The following FOXP2 variants were observed in gnomAD, a reference collection of about 807,000 sequenced individuals.
The protein encoded by FOXP2 is forkhead box P2, also known as forkhead box protein P2.
FOXP2 carries 12 observed loss-of-function variants against 115.8 expected under a neutral mutation model. That is an observed-to-expected ratio of 0.10 (90% CI 0.07 to 0.17). FOXP2 has a LOEUF of 0.17. FOXP2 is among the 10% of genes least tolerant of loss of function. The pLI is 1.00. For missense variants in FOXP2, 629 were observed against 843.5 expected (o/e 0.75, Z 3.15); for synonymous variants, 328 against 297.7 (o/e 1.10, Z -1.05).
intron 2 of FOXP2, among the ~76,000 whole-genome samples, chr7:114,513,074 C>T (rs901995980): frequency 6.6e-6 from 1 of 152,134 alleles, no homozygotes; most frequent in Non-Finnish European, 1.5e-5. Flanking sequence ...CAGACCAAGA[C>T]TCCATCTCAA....
intron 2 of FOXP2, among the ~76,000 whole-genome samples, chr7:114,495,650 C>T (rs999742529): frequency 1.3e-5 from 2 of 151,808 alleles, no homozygotes; most frequent in Admixed American, 1.3e-4. Flanking sequence ...GGATTACAGG[C>T]ATGTGCCACC....
intron 13 of FOXP2, chr7:114,661,677 C>G (rs1806866070): frequency 4.0e-6 from 1 of 252,656 alleles, no homozygotes; most frequent in South Asian, 4.7e-5. Flanking sequence ...ATTTTAATAC[C>G]TCAAGCAGGA....
intron 3 of FOXP2, among the ~76,000 whole-genome samples, chr7:114,545,763 T>C (rs1442374417): frequency 1.3e-5 from 2 of 152,132 alleles, no homozygotes; most frequent in East Asian, 3.9e-4. Flanking sequence ...CTTCCCTTCT[T>C]TTTTCTCAAT....
intron 2 of FOXP2, among the ~76,000 whole-genome samples, chr7:114,428,720 A>G (rs1793978736): frequency 6.6e-6 from 1 of 151,536 alleles, no homozygotes; most frequent in South Asian, 2.1e-4. Context: ...GTATTTTAGA[A>G]TGGGGCTTTA....
intron 2 of FOXP2, among the ~76,000 whole-genome samples, chr7:114,333,659 G>A (rs1300091210): frequency 6.6e-6 from 1 of 152,106 alleles, no homozygotes; most frequent in African/African-American, 2.4e-5. Flanking sequence ...GGCTAAGGTG[G>A]GCAGATCATT....
chr7:114,581,545 G>GC (rs1280372200), intron 3 of FOXP2, among the ~76,000 whole-genome samples: 1 of 152,036 alleles, frequency 6.6e-6, no homozygotes, highest in Non-Finnish European at 1.5e-5. Context: ...TACACACATA[G>GC]CCTCTCCTAT....
At chr7:114,505,598 GTGCTGTCTAATTGA>G (rs2129255828) in intron 2 of FOXP2, among the ~76,000 whole-genome samples, 1 of 150,386 alleles carries the variant, frequency 6.6e-6, no homozygotes, top group African/African-American at 2.4e-5. Context: ...AAAAGTTTTT[GTGCTGTCTAATTGA>G]TTTCAGAACA....
intron 1 of FOXP2, chr7:114,287,883 T>C (rs1277605520): frequency 3.7e-6 from 1 of 272,486 alleles, no homozygotes; most frequent in Non-Finnish European, 7.3e-6. Flanking sequence ...ATTCACAAAG[T>C]AATGCATGTT....
At chr7:114,554,602 G>A (rs1296128971) in intron 3 of FOXP2, among the ~76,000 whole-genome samples, 1 of 151,830 alleles carries the variant, frequency 6.6e-6, no homozygotes, top group African/African-American at 2.4e-5. Context: ...GTTGATTCTG[G>A]ACTACTATTT....
At chr7:114,390,522 G>GTATTTATGTATTTATTTATTTATT (rs144084916) in intron 2 of FOXP2, among the ~76,000 whole-genome samples, 52 of 148,360 alleles carry the variant, frequency 3.5e-4, no homozygotes, top group East Asian at 3.2e-3. Flanking sequence ...TTTTATTTAT[G>GTATTTATGTATTTATTTATTTATT]TATTTATTTA....
At chr7:114,464,201 G>A (rs1367368694) in intron 2 of FOXP2, among the ~76,000 whole-genome samples, 1 of 152,110 alleles carries the variant, frequency 6.6e-6, no homozygotes, top group East Asian at 1.9e-4. Context: ...ACTGTGCAAA[G>A]GGTAGATACT....
intron 10 of FOXP2, chr7:114,656,616 A>AC (rs990273880): frequency 2.9e-6 from 1 of 348,074 alleles, no homozygotes; most frequent in African/African-American, 2.2e-5. Context: ...AGAATTCCCT[A>AC]CCCAGTCTGC....
intron 2 of FOXP2, among the ~76,000 whole-genome samples, chr7:114,375,259 C>T (rs1476853606): frequency 6.6e-6 from 1 of 152,114 alleles, no homozygotes; most frequent in African/African-American, 2.4e-5. Flanking sequence ...GTATGTTTTC[C>T]TACAAATAAA....
At chr7:114,385,520 C>T (rs1360363738) in intron 2 of FOXP2, among the ~76,000 whole-genome samples, 1 of 152,160 alleles carries the variant, frequency 6.6e-6, no homozygotes, top group Non-Finnish European at 1.5e-5. Flanking sequence ...CCCTCGGCTT[C>T]CCCAAGAAAA....
rs374630689 is a variant in FOXP2 at position 114,198,153 on chromosome 7, C to T, written c.-102+35065C>T. On this transcript the variant is annotated intron_variant, in intron 1 of 17. Coordinates refer to the FOXP2 transcript ENST00000634411. ...TTCTGGGATTACAGGCATGAGCTAC[C>T]GCCCCCAGCCAGTATTATGTTGTTA... is the stretch of plus-strand genomic sequence containing the variant. Among the ~76,000 whole-genome samples the T allele has an allele frequency of 3.2e-4, 48 of 152,156 alleles. 1 individual carries two copies. Among genetic ancestry groups the T allele is most frequent in the African/African-American group, 1.1e-3 (44 of 41,508 alleles).
In FOXP2 at chr7:114,291,938, A is replaced by ATG. The variant is rs201648110; in HGVS notation, c.-11+3830_-11+3831insGT. ...ATATATTATAGATAATATATAGAATATATATTATAGATAATATATAGAATA... is the reference window on the plus strand; with the variant it reads ...ATATATTATAGATAATATATAGAATATGTATATTATAGATAATATATAGAATA... On this transcript the variant is annotated intron_variant, in intron 2 of 17. Transcript: ENST00000634411. 1.6e-3 allele frequency among the ~76,000 whole-genome samples: 208 copies of ATG among 128,164 alleles called. 21 individuals carry two copies. The highest frequency in any genetic ancestry group is 6.3e-3 in the African/African-American group (168 of 26,874). The allele number at this position is 128,164 out of a possible 152,430, so 84.1% of individuals were successfully genotyped here.
At chr7:114,508,427 A>G (rs1797924354) in intron 2 of FOXP2, among the ~76,000 whole-genome samples, 1 of 152,062 alleles carries the variant, frequency 6.6e-6, no homozygotes, top group Admixed American at 6.6e-5. Flanking sequence ...TAAAACTGAA[A>G]TGATCTTTAC....
chr7:114,365,810 G>C (rs1171229636), intron 2 of FOXP2, among the ~76,000 whole-genome samples: 1 of 151,968 alleles, frequency 6.6e-6, no homozygotes, highest in Non-Finnish European at 1.5e-5. Context: ...TCTCATACTT[G>C]ATTGCCAAAA....
chr7:114,661,052 C>CTT (rs3028481), intron 13 of FOXP2, among the ~76,000 whole-genome samples: 28,836 of 142,330 alleles, frequency 0.2, 3,919 homozygotes, highest in African/African-American at 0.38. Flanking sequence ...TCTGCTTATG[C>CTT]TTTTTTTTTT....
Sources: allele counts gnomAD v4.1 joint callset (sites outside exome capture counted in the v4.1 genomes callset), GRCh38; gene constraint gnomAD v4.1.1; transcripts MANE v1.5; gene names NCBI Gene and HGNC (gene_info 2026-07-23, HGNC 2026-07-21).